The following ERICH6B variants were observed in gnomAD, a reference collection of about 807,000 sequenced individuals.
The protein encoded by ERICH6B is glutamate-rich protein 6B.
A neutral mutation model predicts 80.0 loss-of-function variants in ERICH6B; 69 were observed. That is an observed-to-expected ratio of 0.86 (90% CI 0.71 to 1.05). The LOEUF (loss-of-function observed/expected upper bound fraction) is 1.05, where lower values mean the gene tolerates loss of function less well. Among genes scored for constraint, ERICH6B ranks in the 50% least tolerant of loss-of-function variants. The pLI is 0.00. For missense variants in ERICH6B, 754 were observed against 796.1 expected, an observed-to-expected ratio of 0.95 and a Z score of 0.64; for synonymous variants, 283 against 291.9, an observed-to-expected ratio of 0.97 and a Z score of 0.31.
At chr13:45,551,704 C>A (rs1183992277) in intron 11 of ERICH6B, 1 of 152,112 alleles carries the variant, frequency 6.6e-6, no homozygotes, top group East Asian at 1.9e-4. Context: ...GGAGATGGAG[C>A]CTAATGGGAG....
At chr13:45,542,507 A>C (rs1873819678) in intron 14 of ERICH6B, among the ~76,000 whole-genome samples, 1 of 152,186 alleles carries the variant, frequency 6.6e-6, no homozygotes. Flanking sequence ...TGCCCTGCAC[A>C]GGCACAGCTG....
At chr13:45,594,467 C>G (rs968988853) in intron 3 of ERICH6B, among the ~76,000 whole-genome samples, 7 of 152,134 alleles carry the variant, frequency 4.6e-5, no homozygotes, top group Non-Finnish European at 1.0e-4. Flanking sequence ...GAGAAAAAGC[C>G]CTGAATGCTA....
chr13:45,606,531 ATATATATATATATATATTTTT>A (rs1566307809), intron 2 of ERICH6B, among the ~76,000 whole-genome samples: 146 of 43,184 alleles, frequency 3.4e-3, no homozygotes, highest in Non-Finnish European at 4.2e-3. Context: ...ATATATATAT[ATATATATATATATATATTTTT>A]TTTTTTTTTT....
At chr13:45,610,507 A>G (rs942239825) in intron 1 of ERICH6B, among the ~76,000 whole-genome samples, 2 of 152,206 alleles carry the variant, frequency 1.3e-5, no homozygotes, top group African/African-American at 4.8e-5. Context: ...TTCTTACTGC[A>G]GTGCCATGGT....
chr13:45,553,172 C>T, intron 11 of ERICH6B: 1 of 256,744 alleles, frequency 3.9e-6, no homozygotes, highest in Admixed American at 5.1e-5. Flanking sequence ...CCGTTTTTGA[C>T]ACATGAGTTT....
intron 8 of ERICH6B, among the ~76,000 whole-genome samples, chr13:45,569,638 A>G (rs1401286399): frequency 6.6e-6 from 1 of 152,180 alleles, no homozygotes; most frequent in Non-Finnish European, 1.5e-5. Flanking sequence ...TCAATGTATG[A>G]TCATGGAAAA....
Position 45,561,907 on chromosome 13 carries a change from G to A in ERICH6B, c.1250-381C>T, listed in dbSNP as rs150833706. Among the ~76,000 whole-genome samples, 1,245 of 152,222 alleles carry A rather than the reference G, an allele frequency of 8.2e-3. 18 individuals carry two copies. The highest frequency in any genetic ancestry group is 0.028 in the African/African-American group (1,163 of 41,520). ...TGAGAGGAATGCTCACACAGTGAAT[G>A]GTGTGGCTGCTAATTGAAAAAACAG... On this transcript the variant is annotated intron_variant, in intron 10 of 14. Coordinates refer to ENST00000298738, the MANE Select transcript of ERICH6B (RefSeq NM_182542.3).
At chr13:45,575,089 T>A (rs1205483996) in intron 7 of ERICH6B, among the ~76,000 whole-genome samples, 159 bp from the exon 8 acceptor site, 1 of 152,208 alleles carries the variant, frequency 6.6e-6, no homozygotes, top group Non-Finnish European at 1.5e-5. Flanking sequence ...GTTAATCACA[T>A]GACCTAAAAC....
At chr13:45,612,512 C>T (rs780856416) in intron 1 of ERICH6B, among the ~76,000 whole-genome samples, 2 of 152,200 alleles carry the variant, frequency 1.3e-5, no homozygotes, top group African/African-American at 2.4e-5. Flanking sequence ...CTACCTCTGG[C>T]CCCTGGGGTA....
chr13:45,546,410 A>G (rs1173998433), intron 13 of ERICH6B, among the ~76,000 whole-genome samples: 1 of 152,212 alleles, frequency 6.6e-6, no homozygotes, highest in Non-Finnish European at 1.5e-5. Flanking sequence ...ACTGTCTGCC[A>G]GGTCTCGTCT....
Position 45,590,640 on chromosome 13 carries a change from A to AG in ERICH6B, c.686+8_686+9insC. The AG allele has an allele frequency of 6.4e-7, 1 of 1,551,078 alleles. No homozygotes were observed. ...TTCCACCTGATTTATCCCAAAAGAAAACTGTTACCTTGCATCACGAAGAAG... is the reference window on the plus strand; with the variant it reads ...TTCCACCTGATTTATCCCAAAAGAAAGACTGTTACCTTGCATCACGAAGAAG... On this transcript the variant is annotated intron_variant, in intron 4 of 14. Coordinates refer to ENST00000298738, the MANE Select transcript of ERICH6B (RefSeq NM_182542.3).
At chr13:45,590,839 G>T in intron 3 of ERICH6B, 142 bp from the exon 4 acceptor site, 1 of 622,798 alleles carries the variant, frequency 1.6e-6, no homozygotes, top group East Asian at 3.1e-5. Flanking sequence ...GTCTCTTAAT[G>T]GTTTCCTTTA....
At chr13:45,577,594 C>T (rs544783677) in intron 7 of ERICH6B, among the ~76,000 whole-genome samples, 1 of 152,148 alleles carries the variant, frequency 6.6e-6, no homozygotes, top group African/African-American at 2.4e-5. Flanking sequence ...CAGTGCCTCT[C>T]CTCTATCATT....
intron 8 of ERICH6B, among the ~76,000 whole-genome samples, chr13:45,569,879 T>C (rs1242800708): frequency 6.6e-6 from 1 of 152,244 alleles, no homozygotes; most frequent in Non-Finnish European, 1.5e-5. Flanking sequence ...AGGCCTTTGC[T>C]GCCCATATTC....
At chr13:45,613,920 T>C (rs1254666074) in intron 1 of ERICH6B, among the ~76,000 whole-genome samples, 1 of 152,156 alleles carries the variant, frequency 6.6e-6, no homozygotes, top group African/African-American at 2.4e-5. Flanking sequence ...GACTCATGGA[T>C]ACAGATTCTT....
chr13:45,558,680 A>T (rs11619343), intron 11 of ERICH6B, among the ~76,000 whole-genome samples: 6,871 of 152,192 alleles, frequency 0.045, 224 homozygotes, highest in South Asian at 0.12. Flanking sequence ...TTCTGTGTCT[A>T]TTGAGATGAT....
rs1280857283 is a variant in ERICH6B at position 45,596,788 on chromosome 13, T to C, written c.218A>G (p.Tyr73Cys). 3.2e-6 allele frequency: 5 copies of C among 1,551,674 alleles called. No individual in the cohort carries two copies. The highest frequency in any genetic ancestry group is 3.5e-6 in the Non-Finnish European group (4 of 1,146,984). Reference sequence around the variant, plus strand: ...CTTCAAGTATTCTTCTTTCCCCAGATACTCTTCCTCTTCCAGATCCTCTTC... The same window carrying C: ...CTTCAAGTATTCTTCTTTCCCCAGACACTCTTCCTCTTCCAGATCCTCTTC... Reference protein sequence around the residue: ...EEEEDLEEEEYLGKEEYLKEE... With the variant: ...EEEEDLEEEECLGKEEYLKEE... The change falls in exon 3 of 15, where the codon TAT becomes TGT. Residue 73 changes from tyrosine to cysteine, a missense_variant. Tyr to Cys is a radical substitution (Grantham distance 194). Coordinates refer to ENST00000298738, the MANE Select transcript of ERICH6B (RefSeq NM_182542.3).
chr13:45,610,833 C>CTGTGTGTGTGTG (rs10653696), intron 1 of ERICH6B, among the ~76,000 whole-genome samples: 20 of 147,404 alleles, frequency 1.4e-4, no homozygotes, highest in African/African-American at 4.2e-4. Flanking sequence ...TGTGGCAGGA[C>CTGTGTGTGTGTG]TGTGTGTGTG....
intron 14 of ERICH6B, among the ~76,000 whole-genome samples, 195 bp downstream of exon 14, chr13:45,544,565 C>A (rs1873915196): frequency 6.6e-6 from 1 of 152,180 alleles, no homozygotes; most frequent in Admixed American, 6.5e-5. Context: ...CCTAAGCTCA[C>A]AGTGCTGGGG....
Sources: allele counts gnomAD v4.1 joint callset (sites outside exome capture counted in the v4.1 genomes callset), GRCh38; gene constraint gnomAD v4.1.1; transcripts MANE v1.5; gene names NCBI Gene and HGNC (gene_info 2026-07-23, HGNC 2026-07-21).